Variants in RALGAPA1 observed in about 807,000 individuals in gnomAD.
RALGAPA1 encodes the protein ral GTPase-activating protein subunit alpha-1.
Under a neutral mutation model 269.6 loss-of-function variants are expected in RALGAPA1, and 52 were observed. That is an observed-to-expected ratio of 0.19 (90% CI 0.15 to 0.24). RALGAPA1 has a LOEUF of 0.24. Among genes scored for constraint, RALGAPA1 ranks in the 10% least tolerant of loss-of-function variants. RALGAPA1 has a pLI of 1.00. For synonymous variants in RALGAPA1, 817 were observed against 1,008.3 expected, an observed-to-expected ratio of 0.81 and a Z score of 3.60; for missense variants, 1,917 against 3,013.9, an observed-to-expected ratio of 0.64 and a Z score of 8.52.
At chr14:35,642,749 T>C (rs1341154414) in intron 31 of RALGAPA1, among the ~76,000 whole-genome samples, 3 of 152,110 alleles carry the variant, frequency 2.0e-5, no homozygotes, top group African/African-American at 7.2e-5. Flanking sequence ...TGTAAACTAG[T>C]TCAACCATTG....
At chr14:35,626,616 C>T (rs1052500085) in intron 34 of RALGAPA1, among the ~76,000 whole-genome samples, 1 of 152,114 alleles carries the variant, frequency 6.6e-6, no homozygotes, top group Admixed American at 6.5e-5. Flanking sequence ...TTGTTCTTTT[C>T]ATTTAGCTCC....
intron 17 of RALGAPA1, among the ~76,000 whole-genome samples, chr14:35,693,688 A>G (rs996883663): frequency 6.6e-6 from 1 of 152,002 alleles, no homozygotes; most frequent in African/African-American, 2.4e-5. Context: ...TGTTTTCAAG[A>G]GATTTACACA....
intron 33 of RALGAPA1, 37 bp downstream of exon 33, chr14:35,634,537 C>A (rs780876419): frequency 2.0e-6 from 3 of 1,531,748 alleles, no homozygotes; most frequent in Admixed American, 1.9e-5. Context: ...TGAGAGAACC[C>A]AAGCAACAAT....
At chr14:35,678,593 A>T (rs2065157793) in intron 21 of RALGAPA1, among the ~76,000 whole-genome samples, 1 of 152,048 alleles carries the variant, frequency 6.6e-6, no homozygotes, top group South Asian at 2.1e-4. Context: ...AGATCTAAAA[A>T]TCTAATTTGA....
intron 1 of RALGAPA1, among the ~76,000 whole-genome samples, chr14:35,788,893 T>G (rs1332903474): frequency 6.6e-6 from 1 of 152,168 alleles, no homozygotes; most frequent in Non-Finnish European, 1.5e-5. Context: ...CATGAGTTGT[T>G]CACAAAACAG....
In RALGAPA1 at chr14:35,570,636, T is replaced by G; in HGVS notation, c.7477A>C (p.Ile2493Leu). The G allele has an allele frequency of 6.2e-7, 1 of 1,605,116 alleles. No homozygotes were observed. Among genetic ancestry groups the G allele is most frequent in the South Asian group, 1.1e-5 (1 of 88,738 alleles). ...GGATACAAGTTTTGATACAATGGAA[T>G]CAGAGATTTCAGAGCACGGCTTGCA... Reference protein sequence around the residue: ...INASRALKSLIPLYQNFYEER... With the variant: ...INASRALKSLLPLYQNFYEER... The change falls in exon 39 of 42, where the codon ATT becomes CTT. Residue 2493 changes from isoleucine (I) to leucine (L), a missense_variant. Physicochemically the swap from Ile to Leu is conservative, Grantham distance 5. This residue lies in a region of RALGAPA1 where 91 missense variants were observed against 130.9 expected (regional missense o/e 0.70). Coordinates refer to ENST00000680220, the MANE Select transcript of RALGAPA1 (RefSeq NM_001346249.2).
At chr14:35,664,205 C>T (rs1339330847) in intron 27 of RALGAPA1, among the ~76,000 whole-genome samples, 2 of 152,118 alleles carry the variant, frequency 1.3e-5, no homozygotes, top group South Asian at 2.1e-4. Flanking sequence ...CATGGGATCT[C>T]CATCCCAACT....
At chr14:35,651,897 TA>T in intron 30 of RALGAPA1, 24 bp from the exon 31 acceptor site, 1 of 1,577,008 alleles carries the variant, frequency 6.3e-7, no homozygotes, top group Non-Finnish European at 8.6e-7. Flanking sequence ...AAAATTTTTT[TA>T]AAAGCTCTAT....
chr14:35,724,559 A>T (rs1369130220), intron 14 of RALGAPA1, among the ~76,000 whole-genome samples: 1 of 152,214 alleles, frequency 6.6e-6, no homozygotes, highest in African/African-American at 2.4e-5. Flanking sequence ...ATAAAGTCTT[A>T]TTAAAAAAAA....
chr14:35,678,811 T>G (rs1217149153), intron 21 of RALGAPA1, among the ~76,000 whole-genome samples: 1 of 152,188 alleles, frequency 6.6e-6, no homozygotes, highest in East Asian at 1.9e-4. Flanking sequence ...TTCCTTTGCA[T>G]GGAGCCCTAA....
intron 15 of RALGAPA1, 124 bp downstream of exon 15, chr14:35,722,903 A>G: frequency 1.1e-5 from 6 of 537,900 alleles, no homozygotes; most frequent in Non-Finnish European, 1.6e-5. Context: ...ATTTTGTTTA[A>G]TTCTTAAAAA....
At chr14:35,685,548 G>T (rs982032991) in intron 19 of RALGAPA1, among the ~76,000 whole-genome samples, 5 of 152,056 alleles carry the variant, frequency 3.3e-5, no homozygotes, top group African/African-American at 1.2e-4. Flanking sequence ...AAAAAGAAAG[G>T]GGCGGGGTAT....
chr14:35,765,836 G>A, intron 4 of RALGAPA1: 6 of 633,012 alleles, frequency 9.5e-6, no homozygotes, highest in Non-Finnish European at 1.4e-5. Context: ...ATGCTGAAAG[G>A]TAATGCTATA....
chr14:35,708,006 A>C (rs2067953378), intron 16 of RALGAPA1, among the ~76,000 whole-genome samples: 1 of 151,620 alleles, frequency 6.6e-6, no homozygotes, highest in Admixed American at 6.6e-5. Context: ...AAGAACATAC[A>C]CTGGGGAAAG....
At chr14:35,753,721 TG>T (rs2072937437) in intron 7 of RALGAPA1, among the ~76,000 whole-genome samples, 1 of 152,118 alleles carries the variant, frequency 6.6e-6, no homozygotes. Flanking sequence ...TGACTCCTAA[TG>T]GGTATGAGGT....
At chr14:35,715,137 C>T (rs1354496966) in intron 16 of RALGAPA1, among the ~76,000 whole-genome samples, 1 of 152,090 alleles carries the variant, frequency 6.6e-6, no homozygotes, top group Non-Finnish European at 1.5e-5. Flanking sequence ...AATTCTCTGT[C>T]ATTCTTGAAA....
chr14:35,766,550 A>T (rs2074166161), intron 4 of RALGAPA1: 2 of 924,292 alleles, frequency 2.2e-6, no homozygotes, highest in Non-Finnish European at 3.6e-6. Context: ...CATCGAGTAT[A>T]GCAAGATCTG....
chr14:35,558,275 G>A (rs1472439574), intron 39 of RALGAPA1, among the ~76,000 whole-genome samples: 7 of 152,144 alleles, frequency 4.6e-5, no homozygotes, highest in Non-Finnish European at 7.4e-5. Flanking sequence ...TTTAGCACTT[G>A]TGTTATGCAG....
intron 26 of RALGAPA1, among the ~76,000 whole-genome samples, chr14:35,668,138 C>G (rs547465516): frequency 6.6e-6 from 1 of 151,974 alleles, no homozygotes; most frequent in South Asian, 2.1e-4. Flanking sequence ...TACCAGAGGC[C>G]CGGAAGCAGG....
Sources: gnomAD v4.1 joint callset for allele counts (sites outside exome capture counted in the v4.1 genomes callset) on GRCh38, gnomAD v4.1.1 for gene constraint, gnomAD v4.1.1 regional missense constraint, MANE v1.5 for transcripts, NCBI Gene and HGNC (gene_info 2026-07-23, HGNC 2026-07-21) for gene names.